Variants in ZBBX observed in about 807,000 individuals in gnomAD.
The protein encoded by ZBBX is zinc finger B-box domain containing, also known as zinc finger B-box domain-containing protein 1.
ZBBX carries 101 observed loss-of-function variants against 108.5 expected under a neutral mutation model. The observed-to-expected ratio is 0.93, with a 90% CI of 0.79 to 1.10. The LOEUF (loss-of-function observed/expected upper bound fraction) is 1.10. ZBBX is among the 50% of genes least tolerant of loss of function. The pLI is 0.00. For missense variants in ZBBX, 1,009 were observed against 941.4 expected, an observed-to-expected ratio of 1.07 and a Z score of -0.94; for synonymous variants, 356 against 323.4, an observed-to-expected ratio of 1.10 and a Z score of -1.08.
chr3:167,250,325 T>G (rs1454650742), intron 20 of ZBBX, among the ~76,000 whole-genome samples: 1 of 152,164 alleles, frequency 6.6e-6, no homozygotes, highest in African/African-American at 2.4e-5. Context: ...GCCTGCTAAC[T>G]GCTAAAAGAT....
intron 1 of ZBBX, among the ~76,000 whole-genome samples, chr3:167,403,543 C>A (rs1560218090): frequency 6.6e-6 from 1 of 151,920 alleles, no homozygotes. Flanking sequence ...AGCATTTTTT[C>A]TCCTAATTTG....
rs886481495 is a variant in ZBBX at position 167,241,530 on chromosome 3, T to C, written c.2394-611A>G. Among the ~76,000 whole-genome samples, 3 of 152,270 alleles carry C rather than the reference T, an allele frequency of 2.0e-5. No homozygotes were observed. The South Asian group carries it at 6.2e-4, about 32-fold the overall frequency. On this transcript the variant is annotated intron_variant, in intron 21 of 21. Coordinates refer to ENST00000675490, the MANE Select transcript of ZBBX (RefSeq NM_001199201.2). ...GGTGTAGTTTGTTTTTAATGATTTA[T>C]CTAAGGGAAGAAAATATCAATCTTA...
At chr3:167,333,002 T>C (rs76183240) in intron 10 of ZBBX, among the ~76,000 whole-genome samples, 2 of 152,178 alleles carry the variant, frequency 1.3e-5, no homozygotes, top group East Asian at 3.9e-4. Flanking sequence ...TCACAAAACA[T>C]CCTTGACAGG....
chr3:167,234,800 TAATC>T, the ZBBX span, among the ~76,000 whole-genome samples: 1 of 151,716 alleles, frequency 6.6e-6, no homozygotes, highest in Non-Finnish European at 1.5e-5. Flanking sequence ...TGTGTCCACT[TAATC>T]AACCACATTT....
intron 8 of ZBBX, among the ~76,000 whole-genome samples, chr3:167,354,961 G>C (rs1034403476): frequency 5.3e-5 from 8 of 151,900 alleles, no homozygotes; most frequent in African/African-American, 1.9e-4. Flanking sequence ...CCTCCAATTG[G>C]AAAATCTTTT....
chr3:167,183,333 C>CGG, the ZBBX span, among the ~76,000 whole-genome samples: 5 of 152,214 alleles, frequency 3.3e-5, no homozygotes, highest in African/African-American at 1.2e-4. Flanking sequence ...TAAGAGTACT[C>CGG]GGGTGTCCTC....
At chr3:167,397,865 A>C (rs967838268) in intron 1 of ZBBX, among the ~76,000 whole-genome samples, 1 of 151,860 alleles carries the variant, frequency 6.6e-6, no homozygotes, top group Non-Finnish European at 1.5e-5. Context: ...CAAAAAAAAA[A>C]AAATTAGGTT....
chr3:167,221,226 G>T, the ZBBX span, among the ~76,000 whole-genome samples: 1 of 151,404 alleles, frequency 6.6e-6, no homozygotes, highest in Admixed American at 6.6e-5. Context: ...ATTGTTAAAA[G>T]AACAAAACTG....
intron 20 of ZBBX, among the ~76,000 whole-genome samples, chr3:167,248,979 T>A (rs1484419024): frequency 6.6e-6 from 1 of 152,226 alleles, no homozygotes; most frequent in Non-Finnish European, 1.5e-5. Flanking sequence ...GAGTCTTTGT[T>A]GAAAGAAGAA....
chr3:167,350,194 G>A (rs982403727), intron 9 of ZBBX, among the ~76,000 whole-genome samples: 1 of 151,938 alleles, frequency 6.6e-6, no homozygotes, highest in African/African-American at 2.4e-5. Flanking sequence ...AAGACTCTAA[G>A]CTGTTTCTGC....
At chr3:167,247,868 C>G (rs867772378) in intron 20 of ZBBX, among the ~76,000 whole-genome samples, 2 of 152,218 alleles carry the variant, frequency 1.3e-5, no homozygotes, top group Admixed American at 6.5e-5. Context: ...CCACTTCTCT[C>G]TTTTCTGCGG....
intron 12 of ZBBX, among the ~76,000 whole-genome samples, chr3:167,319,927 G>A (rs1736129768): frequency 6.6e-6 from 1 of 151,882 alleles, no homozygotes; most frequent in Non-Finnish European, 1.5e-5. Context: ...GAATGCCTGG[G>A]TGTGAATGCA....
At chr3:167,264,227 T>C (rs1576812322) in intron 20 of ZBBX, among the ~76,000 whole-genome samples, 1 of 152,178 alleles carries the variant, frequency 6.6e-6, no homozygotes, top group Non-Finnish European at 1.5e-5. Flanking sequence ...TGATAAGGAC[T>C]TACTCCTGCC....
At chr3:167,254,399 CTT>C (rs1723113779) in intron 20 of ZBBX, among the ~76,000 whole-genome samples, 1 of 152,012 alleles carries the variant, frequency 6.6e-6, no homozygotes. Context: ...TCTGTTTTAA[CTT>C]ATATCAAAAT....
rs61555900 is a variant in ZBBX, at chr3:167,341,676, C to A, written c.529-7691G>T. On this transcript the variant is annotated intron_variant, in intron 9 of 21. Coordinates refer to ENST00000675490, the MANE Select transcript of ZBBX (RefSeq NM_001199201.2). ...AGTTTTGATGCCATATAATTATGCA[C>A]TATATTAATTATCTTAGCAAGTACT... 2.4e-3 allele frequency among the ~76,000 whole-genome samples: 369 copies of A among 152,028 alleles called. 4 individuals are homozygous for A. The highest frequency in any genetic ancestry group is 8.3e-3 in the African/African-American group (343 of 41,548).
upstream of ZBBX, chr3:167,381,493 C>T (rs1747716215): frequency 6.6e-6 from 1 of 152,114 alleles, no homozygotes; most frequent in African/African-American, 2.4e-5. Flanking sequence ...CAGTAAGAAA[C>T]AGTGGTGCTG....
downstream of ZBBX, among the ~76,000 whole-genome samples, chr3:167,239,587 G>C (rs187026996): frequency 6.6e-6 from 1 of 151,784 alleles, no homozygotes. Flanking sequence ...TTACTTTATT[G>C]TAAGAATACA....
intron 20 of ZBBX, among the ~76,000 whole-genome samples, chr3:167,271,023 T>C (rs559708531): frequency 1.3e-5 from 2 of 152,348 alleles, no homozygotes; most frequent in South Asian, 2.1e-4. Flanking sequence ...GGGTATTCAG[T>C]AATTGATGGG....
At chr3:167,286,222 G>A (rs1363683855) in intron 19 of ZBBX, among the ~76,000 whole-genome samples, 1 of 152,124 alleles carries the variant, frequency 6.6e-6, no homozygotes, top group Admixed American at 6.5e-5. Context: ...GAGTAAGAGA[G>A]TGGCTTAAGA....
Sources: allele counts gnomAD v4.1 joint callset (sites outside exome capture counted in the v4.1 genomes callset), GRCh38; gene constraint gnomAD v4.1.1; transcripts MANE v1.5; gene names NCBI Gene and HGNC (gene_info 2026-07-23, HGNC 2026-07-21).